Variants in MALRD1 observed in about 807,000 individuals in gnomAD.
MALRD1 encodes the protein MAM and LDL receptor class A domain containing 1, also known as MAM and LDL-receptor class A domain-containing protein 1.
MALRD1 carries 247 observed loss-of-function variants against 242.1 expected under a neutral mutation model. The ratio of observed to expected loss-of-function variants is 1.02; its 90% confidence interval spans 0.92 to 1.13. MALRD1 has a LOEUF of 1.13. Ranked by LOEUF, MALRD1 falls within the 50% of genes most tolerant of loss-of-function variation. The probability of loss-of-function intolerance (pLI) is 0.00; values close to 1 mark genes in which losing one functional copy is unlikely to be tolerated. For missense variants in MALRD1, 2,989 were observed against 2,533.1 expected, an observed-to-expected ratio of 1.18 and a Z score of -3.86; for synonymous variants, 995 against 866.6, an observed-to-expected ratio of 1.15 and a Z score of -2.60.
intron 36 of MALRD1, among the ~76,000 whole-genome samples, chr10:19,638,776 G>A (rs1380586762): frequency 6.6e-6 from 1 of 152,138 alleles, no homozygotes; most frequent in Non-Finnish European, 1.5e-5. Flanking sequence ...GATTGTCTGT[G>A]GAAGCTGAGT....
intron 34 of MALRD1, among the ~76,000 whole-genome samples, chr10:19,600,530 G>A (rs1463527428): frequency 1.3e-5 from 2 of 152,164 alleles, no homozygotes; most frequent in African/African-American, 4.8e-5. Context: ...CTGTATGTTA[G>A]GTGTGTGCGC....
At chr10:19,146,628 A>T (rs772582082) in intron 11 of MALRD1, among the ~76,000 whole-genome samples, 5 of 152,244 alleles carry the variant, frequency 3.3e-5, no homozygotes, top group Non-Finnish European at 7.3e-5. Flanking sequence ...GTTGCCCAGA[A>T]TCAAGTACAG....
intron 13 of MALRD1, among the ~76,000 whole-genome samples, chr10:19,170,291 T>C (rs971379460): frequency 6.6e-6 from 1 of 152,204 alleles, no homozygotes; most frequent in Non-Finnish European, 1.5e-5. Flanking sequence ...ATTCTTTTAA[T>C]ATTTCTTTTC....
chr10:19,225,475 A>C (rs894523433), intron 18 of MALRD1, among the ~76,000 whole-genome samples: 1 of 151,876 alleles, frequency 6.6e-6, no homozygotes, highest in Non-Finnish European at 1.5e-5. Flanking sequence ...TTCTATTCAC[A>C]TATGTATATG....
intron 5 of MALRD1, among the ~76,000 whole-genome samples, chr10:19,111,216 AG>A (rs1836668167): frequency 6.6e-6 from 1 of 152,350 alleles, no homozygotes; most frequent in East Asian, 1.9e-4. Context: ...AAATCACTAC[AG>A]AAGTACAAAA....
chr10:19,538,355 A>G (rs10740913), intron 32 of MALRD1, among the ~76,000 whole-genome samples: 120,398 of 152,114 alleles, frequency 0.79, 48,174 homozygotes, highest in Non-Finnish European at 0.85. Flanking sequence ...AACAATGCTA[A>G]TTTGTACTTA....
chr10:19,332,174 G>GT (rs139531488), intron 24 of MALRD1, among the ~76,000 whole-genome samples: 80,155 of 142,446 alleles, frequency 0.56, 22,166 homozygotes, highest in Middle Eastern at 0.62. Flanking sequence ...TGAAATAAAT[G>GT]TTGTTTTTTT....
chr10:19,519,626 G>A (rs1278702974), intron 31 of MALRD1, among the ~76,000 whole-genome samples: 1 of 151,832 alleles, frequency 6.6e-6, no homozygotes, highest in African/African-American at 2.4e-5. Context: ...TTATAAGGTA[G>A]CCAGGTGTGT....
intron 7 of MALRD1, among the ~76,000 whole-genome samples, chr10:19,126,303 TTCTC>T (rs1269368850): frequency 6.6e-6 from 1 of 152,160 alleles, no homozygotes; most frequent in East Asian, 1.9e-4. Flanking sequence ...ATTCAAGTAA[TTCTC>T]TCTTACTCCC....
chr10:19,699,000 C>G (rs1264002259), intron 38 of MALRD1, among the ~76,000 whole-genome samples: 2 of 151,882 alleles, frequency 1.3e-5, no homozygotes, highest in African/African-American at 4.8e-5. Context: ...AATGAGAACA[C>G]ATGGACACAG....
chr10:19,179,122 A>G (rs944581405), intron 14 of MALRD1, among the ~76,000 whole-genome samples: 2 of 152,238 alleles, frequency 1.3e-5, no homozygotes, highest in African/African-American at 4.8e-5. Flanking sequence ...CTAGCCAGTC[A>G]TAGAAAAATA....
intron 28 of MALRD1, among the ~76,000 whole-genome samples, chr10:19,433,339 G>T (rs551343512): frequency 2.0e-5 from 3 of 152,072 alleles, no homozygotes; most frequent in African/African-American, 7.2e-5. Flanking sequence ...AGTATTTCCT[G>T]TAAATGTCCT....
intron 18 of MALRD1, among the ~76,000 whole-genome samples, chr10:19,240,160 A>G (rs2131741767): frequency 6.6e-6 from 1 of 151,788 alleles, no homozygotes; most frequent in South Asian, 2.1e-4. Flanking sequence ...TGTATCGTAA[A>G]TTTTTCCATC....
intron 4 of MALRD1, among the ~76,000 whole-genome samples, chr10:19,096,596 G>T (rs1265815170): frequency 2.0e-5 from 3 of 152,130 alleles, no homozygotes; most frequent in Non-Finnish European, 4.4e-5. Context: ...ACAGAGAAGT[G>T]CTGTGCTTGT....
chr10:19,647,723 A>G (rs1840714289), intron 36 of MALRD1, among the ~76,000 whole-genome samples: 1 of 152,230 alleles, frequency 6.6e-6, no homozygotes, highest in African/African-American at 2.4e-5. Context: ...GGCAAGAGAT[A>G]GACTAAATGA....
chr10:19,631,150 G>A (rs982212186), intron 36 of MALRD1, among the ~76,000 whole-genome samples: 1 of 151,984 alleles, frequency 6.6e-6, no homozygotes, highest in Non-Finnish European at 1.5e-5. Context: ...CTCCCAACCT[G>A]CACCTTCAAG....
upstream of MALRD1, among the ~76,000 whole-genome samples, chr10:19,047,355 G>GGTGTGTGT (rs3042212): frequency 2.7e-5 from 4 of 148,746 alleles, no homozygotes; most frequent in African/African-American, 9.8e-5. Flanking sequence ...GTGTTAATTA[G>GGTGTGTGT]GTGTGTGTGT....
chr10:19,617,871 A>C (rs1422795157), intron 36 of MALRD1, among the ~76,000 whole-genome samples: 1 of 152,034 alleles, frequency 6.6e-6, no homozygotes, highest in Non-Finnish European at 1.5e-5. Flanking sequence ...TATTGAGTTA[A>C]ATATTTATTA....
intron 26 of MALRD1, among the ~76,000 whole-genome samples, chr10:19,352,831 T>C (rs1844452076): frequency 6.6e-6 from 1 of 152,156 alleles, no homozygotes; most frequent in Admixed American, 6.6e-5. Context: ...AATGTTGAGT[T>C]GGCAGATGTT....
Sources: gnomAD v4.1 joint callset for allele counts (sites outside exome capture counted in the v4.1 genomes callset) on GRCh38, gnomAD v4.1.1 for gene constraint, MANE v1.5 for transcripts, NCBI Gene and HGNC (gene_info 2026-07-23, HGNC 2026-07-21) for gene names.